The following SDK1 variants were observed in gnomAD, a reference collection of about 807,000 sequenced individuals.
SDK1 encodes the protein protein sidekick-1.
A neutral mutation model predicts 245.5 loss-of-function variants in SDK1; 157 were observed. That is an observed-to-expected ratio of 0.64 (90% confidence interval 0.56 to 0.73). The LOEUF (loss-of-function observed/expected upper bound fraction) is 0.73, where lower values mean the gene tolerates loss of function less well. Among genes scored for constraint, SDK1 ranks in the 30% least tolerant of loss-of-function variants. SDK1 has a pLI of 0.00. For synonymous variants in SDK1, 1,647 were observed against 1,278.5 expected, an observed-to-expected ratio of 1.29 and a Z score of -6.15; for missense variants, 3,583 against 3,002.3, an observed-to-expected ratio of 1.19 and a Z score of -4.52.
chr7:3,861,892 A>C (rs1562497573), intron 5 of SDK1, among the ~76,000 whole-genome samples: 1 of 152,198 alleles, frequency 6.6e-6, no homozygotes, highest in Non-Finnish European at 1.5e-5. Context: ...CCCAGTGTAA[A>C]GGTGGTAAAC....
chr7:3,914,704 G>A (rs983329573), intron 5 of SDK1, among the ~76,000 whole-genome samples: 1 of 152,224 alleles, frequency 6.6e-6, no homozygotes, highest in Non-Finnish European at 1.5e-5. Flanking sequence ...GGTGACATGG[G>A]CTGGGAGGTG....
chr7:4,028,222 C>T (rs1294384935), intron 17 of SDK1, among the ~76,000 whole-genome samples: 1 of 152,146 alleles, frequency 6.6e-6, no homozygotes, highest in Non-Finnish European at 1.5e-5. Flanking sequence ...CTCCAGGTGA[C>T]TCTAACACCC....
chr7:3,724,004 C>T (rs938704125), intron 4 of SDK1, among the ~76,000 whole-genome samples: 1 of 148,452 alleles, frequency 6.7e-6, no homozygotes, highest in Admixed American at 6.7e-5. Context: ...TCACCTGTTG[C>T]CTAGGCTGGA....
At chr7:3,950,366 A>G (rs1183844447) in intron 5 of SDK1, among the ~76,000 whole-genome samples, 2 of 152,222 alleles carry the variant, frequency 1.3e-5, no homozygotes, top group African/African-American at 4.8e-5. Context: ...CGATCATCCC[A>G]TCTTCTATCT....
chr7:4,180,638 A>T (rs543417156), intron 35 of SDK1, among the ~76,000 whole-genome samples: 46 of 152,342 alleles, frequency 3.0e-4, no homozygotes, highest in African/African-American at 7.9e-4. Flanking sequence ...ATAAGAAAAG[A>T]CGTTTACTTG....
intron 19 of SDK1, among the ~76,000 whole-genome samples, chr7:4,065,143 G>A (rs1779790092): frequency 6.6e-6 from 1 of 152,174 alleles, no homozygotes; most frequent in Non-Finnish European, 1.5e-5. Context: ...TACACAGTCA[G>A]TGCCTGTAAC....
chr7:3,801,195 T>G (rs1779098078), intron 4 of SDK1, among the ~76,000 whole-genome samples: 1 of 152,228 alleles, frequency 6.6e-6, no homozygotes, highest in Non-Finnish European at 1.5e-5. Context: ...ATTAGCTATT[T>G]CATATAACTG....
chr7:4,195,663 G>C (rs572393642), intron 35 of SDK1, among the ~76,000 whole-genome samples: 31 of 152,298 alleles, frequency 2.0e-4, no homozygotes, highest in South Asian at 6.2e-4. Context: ...CCCAGGTCTG[G>C]CTCCTGGCTC....
intron 4 of SDK1, among the ~76,000 whole-genome samples, chr7:3,814,636 C>T (rs1368664980): frequency 6.6e-6 from 1 of 151,888 alleles, no homozygotes; most frequent in Non-Finnish European, 1.5e-5. Context: ...GTAGTTTTTT[C>T]CAATTCTGTG....
Position 3,491,577 on chromosome 7 carries a change from A to G in SDK1, c.299-127503A>G, listed in dbSNP as rs74751644. On this transcript the variant is annotated intron_variant, in intron 1 of 44. Transcript: ENST00000404826. ...TCGCAGTCTTCTATAGAAATTACCTATTTTGCCTGATGAGATTTACTTAGA... is the reference window on the plus strand; with the variant it reads ...TCGCAGTCTTCTATAGAAATTACCTGTTTTGCCTGATGAGATTTACTTAGA... Among the ~76,000 whole-genome samples, 74 of 152,270 alleles carry G rather than the reference A, an allele frequency of 4.9e-4. 2 individuals are homozygous for G. In the East Asian group the frequency reaches 0.013, roughly 27 times the overall value.
intron 5 of SDK1, among the ~76,000 whole-genome samples, chr7:3,832,961 G>A (rs1448581250): frequency 1.3e-5 from 2 of 152,026 alleles, no homozygotes; most frequent in African/African-American, 4.8e-5. Flanking sequence ...TAACTAGCAA[G>A]TGTAGCTTTT....
chr7:3,301,892 C>T lies in SDK1; in HGVS notation c.298+8C>T, dbSNP rs1365311944. 1.1e-5 allele frequency: 12 copies of T among 1,133,636 alleles called. No homozygotes were observed. The highest frequency in any genetic ancestry group is 1.2e-5 in the Non-Finnish European group (11 of 925,200). The allele number at this position is 1,133,636 out of a possible 1,614,324, so 70.2% of individuals were successfully genotyped here. ...TCCGGGCGCTGGCGCAAGGTAGGTG[C>T]GCGCGGGGTCGCGGGCCGGGGGCGT... On this transcript the variant is annotated splice_region_variant and intron_variant, in intron 1 of 44. Coordinates refer to ENST00000404826, the MANE Select transcript of SDK1 (RefSeq NM_152744.4).
At chr7:4,053,385 A>AG (rs1238375213) in intron 19 of SDK1, among the ~76,000 whole-genome samples, 1 of 151,886 alleles carries the variant, frequency 6.6e-6, no homozygotes, top group East Asian at 1.9e-4. Context: ...CAAACGATGC[A>AG]GTATGGCCTT....
chr7:4,016,922 A>AT (rs2128151872), intron 16 of SDK1, among the ~76,000 whole-genome samples: 2 of 152,152 alleles, frequency 1.3e-5, no homozygotes, highest in East Asian at 3.9e-4. Flanking sequence ...AAAAGCTGTA[A>AT]TTTTTTCTTA....
At chr7:3,306,530 A>G (rs1241662845) in intron 1 of SDK1, among the ~76,000 whole-genome samples, 1 of 152,186 alleles carries the variant, frequency 6.6e-6, no homozygotes, top group Admixed American at 6.5e-5. Context: ...ATCTTTTATT[A>G]GTTTGCCTTA....
intron 5 of SDK1, among the ~76,000 whole-genome samples, chr7:3,831,503 T>A (rs1317387237): frequency 6.6e-6 from 1 of 152,290 alleles, no homozygotes; most frequent in South Asian, 2.1e-4. Flanking sequence ...TATCTCCTCT[T>A]TCAGAAAAAT....
rs567165632 is a variant in SDK1, at chr7:3,956,852, G to A, written c.1151-2079G>A. The stretch of plus-strand genomic sequence containing the variant: ...GCACTTGCTCAGCCAAGCCAGCTTC[G>A]GGTCACTGTGTGGAGTGCCCGTCTC... On this transcript the variant is annotated intron_variant, in intron 7 of 44. Transcript: ENST00000404826. Among the ~76,000 whole-genome samples the A allele has an allele frequency of 7.9e-5, 12 of 152,234 alleles. No homozygotes were observed. In the South Asian group the frequency reaches 8.3e-4, roughly 11 times the overall value.
chr7:3,782,572 G>T (rs972652623), intron 4 of SDK1, among the ~76,000 whole-genome samples: 1 of 152,140 alleles, frequency 6.6e-6, no homozygotes, highest in Non-Finnish European at 1.5e-5. Flanking sequence ...CAAGAGATAA[G>T]AAACACTTCG....
At chr7:3,875,130 G>C (rs1781044718) in intron 5 of SDK1, among the ~76,000 whole-genome samples, 1 of 152,212 alleles carries the variant, frequency 6.6e-6, no homozygotes, top group Non-Finnish European at 1.5e-5. Context: ...CAAGGTGTCT[G>C]TCCCAGATAA....
Sources: allele counts gnomAD v4.1 joint callset (sites outside exome capture counted in the v4.1 genomes callset), GRCh38; gene constraint gnomAD v4.1.1; transcripts MANE v1.5; gene names NCBI Gene and HGNC (gene_info 2026-07-23, HGNC 2026-07-21).